CRTC3: variants seen among roughly 807,000 people sequenced by gnomAD.
CRTC3 encodes the protein CREB regulated transcription coactivator 3.
A neutral mutation model predicts 74.5 loss-of-function variants in CRTC3; 26 were observed. The ratio of observed to expected loss-of-function variants is 0.35; its 90% CI spans 0.26 to 0.48. The LOEUF (loss-of-function observed/expected upper bound fraction) is 0.48. CRTC3 is among the 20% of genes least tolerant of loss of function. CRTC3 has a pLI of 0.99. For missense variants in CRTC3, 760 were observed against 787.3 expected (o/e 0.97, Z 0.41); for synonymous variants, 377 against 325.8 (o/e 1.16, Z -1.69).
chr15:90,626,073 T>C (rs932517788), intron 10 of CRTC3, 80 bp downstream of exon 10: 21 of 1,029,934 alleles, frequency 2.0e-5, no homozygotes, highest in African/African-American at 1.3e-4. Flanking sequence ...CAGTGAATCA[T>C]TGAATGAGAA....
At chr15:90,611,841 A>G (rs1968362087) in intron 6 of CRTC3, among the ~76,000 whole-genome samples, 1 of 152,102 alleles carries the variant, frequency 6.6e-6, no homozygotes, top group Admixed American at 6.5e-5. Flanking sequence ...CTCTGCTGCA[A>G]GAGCAGTCTC....
intron 2 of CRTC3, among the ~76,000 whole-genome samples, chr15:90,592,182 C>T (rs1480154254): frequency 2.6e-5 from 4 of 152,176 alleles, no homozygotes; most frequent in African/African-American, 4.8e-5. Context: ...AACATTGCGT[C>T]ACAGGATTCC....
At chr15:90,556,351 A>C (rs1471568197) in intron 2 of CRTC3, among the ~76,000 whole-genome samples, 1 of 152,206 alleles carries the variant, frequency 6.6e-6, no homozygotes, top group Non-Finnish European at 1.5e-5. Flanking sequence ...ACCGTTGTTA[A>C]TAGATGTGGT....
At chr15:90,592,723 G>A (rs930852096) in intron 2 of CRTC3, among the ~76,000 whole-genome samples, 18 of 152,178 alleles carry the variant, frequency 1.2e-4, no homozygotes. Context: ...TACACACTCT[G>A]AATGTCTAAA....
At chr15:90,537,667 G>A (rs1004618993) in intron 1 of CRTC3, among the ~76,000 whole-genome samples, 1 of 152,178 alleles carries the variant, frequency 6.6e-6, no homozygotes, top group Admixed American at 6.5e-5. Flanking sequence ...TTACAGGTAT[G>A]AGCCACTGCT....
rs565147876 is a variant in CRTC3 at position 90,556,049 on chromosome 15, A to G, written c.231+15912A>G. Among the ~76,000 whole-genome samples the G allele has an allele frequency of 5.3e-5, 8 of 152,232 alleles. No homozygotes were observed. The East Asian group carries it at 1.5e-3, about 29-fold the overall frequency. On this transcript the variant is annotated intron_variant, in intron 2 of 14. Coordinates refer to ENST00000268184, the MANE Select transcript of CRTC3 (RefSeq NM_022769.5). Reference sequence around the variant, plus strand: ...AAGTTTATTTTTCATGTATCTTTATACAGGTGATATCAGTCTTCATATTTA... The same window carrying G: ...AAGTTTATTTTTCATGTATCTTTATGCAGGTGATATCAGTCTTCATATTTA...
At chr15:90,577,258 G>A (rs1157463648) in intron 2 of CRTC3, among the ~76,000 whole-genome samples, 2 of 152,174 alleles carry the variant, frequency 1.3e-5, no homozygotes, top group Non-Finnish European at 2.9e-5. Context: ...GATGGAAAGA[G>A]CTAATAGAGG....
intron 9 of CRTC3, among the ~76,000 whole-genome samples, chr15:90,621,570 A>G (rs1421944106): frequency 6.6e-6 from 1 of 152,090 alleles, no homozygotes; most frequent in Non-Finnish European, 1.5e-5. Context: ...TGATCCACCC[A>G]CTTTGGCCTC....
chr15:90,570,113 G>T (rs887368159), intron 2 of CRTC3, among the ~76,000 whole-genome samples: 2 of 152,188 alleles, frequency 1.3e-5, no homozygotes, highest in African/African-American at 4.8e-5. Flanking sequence ...AGTATATGAA[G>T]TTTTCACACA....
chr15:90,536,508 G>A (rs1043818821), intron 1 of CRTC3, among the ~76,000 whole-genome samples: 1 of 140,560 alleles, frequency 7.1e-6, no homozygotes, highest in East Asian at 2.0e-4. Flanking sequence ...AAAAAAAATT[G>A]CTCTGACTAT....
chr15:90,576,396 C>T (rs893637723), intron 2 of CRTC3, among the ~76,000 whole-genome samples: 5 of 151,926 alleles, frequency 3.3e-5, no homozygotes, highest in African/African-American at 4.8e-5. Context: ...CCATTCCCAG[C>T]GATTTGAAAC....
At chr15:90,583,381 C>G (rs1388794012) in intron 2 of CRTC3, among the ~76,000 whole-genome samples, 1 of 152,206 alleles carries the variant, frequency 6.6e-6, no homozygotes, top group Admixed American at 6.5e-5. Flanking sequence ...AGGCCAGGTC[C>G]TAAATCAGCA....
Position 90,616,546 on chromosome 15 carries a change from T to C in CRTC3, c.614-1337T>C, listed in dbSNP as rs147029885. ...GTGTGGGGCTAAGACAGGATAGTCA[T>C]GACAGTCACACTGGAGCTTCTGTGG... On this transcript the variant is annotated intron_variant, in intron 7 of 14. Transcript: ENST00000268184. Among the ~76,000 whole-genome samples the C allele has an allele frequency of 3.7e-4, 56 of 152,350 alleles. No individual in the cohort carries two copies. In the East Asian group the frequency reaches 0.01, roughly 28 times the overall value.
At chr15:90,625,671 T>G in intron 9 of CRTC3, 105 bp from the exon 10 acceptor site, 1 of 1,031,846 alleles carries the variant, frequency 9.7e-7, no homozygotes, top group Non-Finnish European at 1.5e-6. Context: ...CCTCGGTCTT[T>G]TGTAGCCACT....
intron 2 of CRTC3, among the ~76,000 whole-genome samples, chr15:90,557,329 C>T (rs956558284): frequency 2.0e-5 from 3 of 152,078 alleles, no homozygotes; most frequent in African/African-American, 4.8e-5. Context: ...GAGCTGTTCC[C>T]CTTGAGGTTG....
Position 90,530,371 on chromosome 15 carries a change from C to T in CRTC3, c.132+168C>T, listed in dbSNP as rs1424965783. Among the ~76,000 whole-genome samples, 11 of 151,902 alleles carry T rather than the reference C, an allele frequency of 7.2e-5. No individual in the cohort carries two copies. In the East Asian group the frequency reaches 1.9e-3, roughly 27 times the overall value. ...AGCGGCCGCGGCCTCGGCGTTTCCC[C>T]GCCTGGCGACACCCGCTAGCCGTTC... On this transcript the variant is annotated intron_variant, in intron 1 of 14. Coordinates refer to ENST00000268184, the MANE Select transcript of CRTC3 (RefSeq NM_022769.5). The surrounding 1 kb of genome is among the most constrained non-coding windows in gnomAD (Gnocchi z 6.2).
chr15:90,625,824 G>T lies in CRTC3; in HGVS notation c.798G>T (p.Gly266=), dbSNP rs758536965. ...ACCTAGGCCTCTCACCCTTCTTGGG[G>T]ACCTTGAACACTGGAGGGTCATTGC... ...GQNLGLSPFL[G]TLNTGGSLPD... The change falls in exon 10 of 15, where the codon GGG becomes GGT. Residue 266 remains glycine (G), a synonymous_variant. Coordinates refer to ENST00000268184, the MANE Select transcript of CRTC3 (RefSeq NM_022769.5). The T allele has an allele frequency of 6.2e-7, 1 of 1,614,122 alleles. No homozygotes were observed. The highest frequency in any genetic ancestry group is 8.5e-7 in the Non-Finnish European group (1 of 1,180,022).
chr15:90,581,170 G>C (rs2151073341), intron 2 of CRTC3, among the ~76,000 whole-genome samples: 1 of 152,276 alleles, frequency 6.6e-6, no homozygotes, highest in Non-Finnish European at 1.5e-5. Context: ...TGCATTGGCT[G>C]GCCCGGAAGA....
rs1234812808 is a variant in CRTC3, at chr15:90,589,216, C to T, written c.232-4420C>T. 2.0e-5 allele frequency among the ~76,000 whole-genome samples: 3 copies of T among 152,030 alleles called. 1 individual carries two copies. Among genetic ancestry groups the T allele is most frequent in the Admixed American group, 2.0e-4 (3 of 15,268 alleles). ...GGATTACAGGCATGCACCACCATGC[C>T]CAGCTAATTTTTCTATTTTTAGTAG... On this transcript the variant is annotated intron_variant, in intron 2 of 14. Coordinates refer to ENST00000268184, the MANE Select transcript of CRTC3 (RefSeq NM_022769.5).
Sources: gnomAD v4.1 joint callset for allele counts (sites outside exome capture counted in the v4.1 genomes callset) on GRCh38, gnomAD v4.1.1 for gene constraint, Gnocchi (gnomAD v3.1) non-coding constraint, MANE v1.5 for transcripts, NCBI Gene and HGNC (gene_info 2026-07-23, HGNC 2026-07-21) for gene names.